The following TCF4 variants were observed in gnomAD, a reference collection of about 807,000 sequenced individuals.
The protein encoded by TCF4 is SL3-3 enhancer factor 2.
TCF4 carries 3 observed loss-of-function variants against 82.1 expected under a neutral mutation model. The ratio of observed to expected loss-of-function variants is 0.04; its 90% CI spans 0.02 to 0.09. The LOEUF is 0.09. Among genes scored for constraint, TCF4 ranks in the 10% least tolerant of loss-of-function variants. TCF4 has a pLI of 1.00. For synonymous variants in TCF4, 276 were observed against 309.6 expected, an observed-to-expected ratio of 0.89 and a Z score of 1.14; for missense variants, 518 against 852.7, an observed-to-expected ratio of 0.61 and a Z score of 4.89.
At chr18:55,415,714 CAGAAGTGAGCTTCTGT>C (rs1425012718) in intron 5 of TCF4, among the ~76,000 whole-genome samples, 1 of 152,188 alleles carries the variant, frequency 6.6e-6, no homozygotes, top group African/African-American at 2.4e-5. Context: ...AAGATTTGTA[CAGAAGTGAGCTTCTGT>C]CAGTTTTCAA....
At chr18:55,306,870 T>C (rs1416196577) in intron 8 of TCF4, among the ~76,000 whole-genome samples, 1 of 152,182 alleles carries the variant, frequency 6.6e-6, no homozygotes, top group Admixed American at 6.5e-5. Context: ...TGCAAAATCA[T>C]GAGAATTTTC....
chr18:55,365,154 AAAATATAT>A (rs1255965055), intron 6 of TCF4, among the ~76,000 whole-genome samples: 51 of 52,418 alleles, frequency 9.7e-4, no homozygotes, highest in African/African-American at 5.2e-3. Context: ...CTCCATCTCC[AAAATATAT>A]ATATATATAT....
At chr18:55,411,342 A>G (rs1038931447) in intron 5 of TCF4, among the ~76,000 whole-genome samples, 7 of 152,200 alleles carry the variant, frequency 4.6e-5, no homozygotes, top group African/African-American at 1.7e-4. Context: ...TTATATTTTT[A>G]CTGCAGTTTG....
At position 55,290,104 on chromosome 18, in the gene TCF4, T is replaced by A. The variant is rs370321491; in HGVS notation, c.550-10448A>T. On this transcript the variant is annotated intron_variant, in intron 8 of 19. Transcript: ENST00000354452. ...ATTTTAGTGCATTCCACTTCTCTAA[T>A]GTGTTTAGGGCTGAGCTTTCTTTAG... 2.0e-5 allele frequency among the ~76,000 whole-genome samples: 3 copies of A among 152,230 alleles called. No individual in the cohort carries two copies. The South Asian group carries it at 6.2e-4, about 31-fold the overall frequency.
chr18:55,594,133 GCC>G (rs2097688466), intron 2 of TCF4, among the ~76,000 whole-genome samples: 1 of 152,162 alleles, frequency 6.6e-6, no homozygotes, highest in South Asian at 2.1e-4. Flanking sequence ...ACACCCCAGG[GCC>G]TTTGCATATG....
intron 15 of TCF4, among the ~76,000 whole-genome samples, chr18:55,248,336 G>C (rs1942265): frequency 0.25 from 37,842 of 152,158 alleles, 4,835 homozygotes; most frequent in East Asian, 0.32. Flanking sequence ...CTGAAATTCT[G>C]TAACAGGCTA....
chr18:55,300,407 C>A (rs1235990831), intron 8 of TCF4, among the ~76,000 whole-genome samples: 1 of 76,768 alleles, frequency 1.3e-5, no homozygotes, highest in Non-Finnish European at 2.4e-5. Context: ...GCAGGGAATG[C>A]AAAGTGGCAG....
intron 2 of TCF4, among the ~76,000 whole-genome samples, chr18:55,599,143 A>C (rs1373978908): frequency 6.6e-6 from 1 of 152,216 alleles, no homozygotes; most frequent in Non-Finnish European, 1.5e-5. Flanking sequence ...CATAATACCC[A>C]AGGCTTCTCA....
chr18:55,229,451 T>A (rs1315968767), intron 17 of TCF4: 4 of 250,742 alleles, frequency 1.6e-5, no homozygotes, highest in Non-Finnish European at 2.3e-5. Context: ...ATATGTTGCA[T>A]AACCACGCTT....
intron 3 of TCF4, among the ~76,000 whole-genome samples, chr18:55,517,537 G>A (rs1463683112): frequency 2.6e-5 from 4 of 152,104 alleles, no homozygotes; most frequent in Non-Finnish European, 4.4e-5. Context: ...CTAAGTTTGG[G>A]GAATGTTTGC....
At chr18:55,560,389 G>A (rs909021601) in intron 3 of TCF4, among the ~76,000 whole-genome samples, 1 of 152,174 alleles carries the variant, frequency 6.6e-6, no homozygotes, top group Non-Finnish European at 1.5e-5. Context: ...CTTAGTATGT[G>A]CTAAATTTAG....
chr18:55,308,008 T>C (rs2147132658), intron 8 of TCF4, among the ~76,000 whole-genome samples: 1 of 152,340 alleles, frequency 6.6e-6, no homozygotes, highest in African/African-American at 2.4e-5. Flanking sequence ...AAGTAATTAA[T>C]ATGATTTTGA....
At chr18:55,246,406 A>G (rs2053193485) in intron 15 of TCF4, among the ~76,000 whole-genome samples, 1 of 152,160 alleles carries the variant, frequency 6.6e-6, no homozygotes, top group Non-Finnish European at 1.5e-5. Flanking sequence ...GTAAACATCC[A>G]ATGCCAGACT....
At chr18:55,301,770 A>G (rs2068352751) in intron 8 of TCF4, among the ~76,000 whole-genome samples, 1 of 127,372 alleles carries the variant, frequency 7.9e-6, no homozygotes, top group South Asian at 2.9e-4. Flanking sequence ...TAATCTAGTG[A>G]GCTAACACCA....
intron 3 of TCF4, among the ~76,000 whole-genome samples, chr18:55,537,059 G>A (rs1170432841): frequency 6.6e-6 from 1 of 151,600 alleles, no homozygotes; most frequent in African/African-American, 2.4e-5. Context: ...GCATGAACCT[G>A]GGAGGCAGAG....
chr18:55,240,318 G>C (rs973803383), intron 15 of TCF4, among the ~76,000 whole-genome samples: 2 of 152,102 alleles, frequency 1.3e-5, no homozygotes, highest in Non-Finnish European at 2.9e-5. Flanking sequence ...CAAAAGAAAA[G>C]CTGATGGGTT....
At chr18:55,320,667 A>G (rs2075272303) in intron 8 of TCF4, among the ~76,000 whole-genome samples, 1 of 152,228 alleles carries the variant, frequency 6.6e-6, no homozygotes, top group African/African-American at 2.4e-5. Context: ...CTTTGGCCCA[A>G]CTATCCCTGA....
At chr18:55,622,319 C>G (rs1425343994) in intron 2 of TCF4, among the ~76,000 whole-genome samples, 1 of 150,514 alleles carries the variant, frequency 6.6e-6, no homozygotes, top group Non-Finnish European at 1.5e-5. Context: ...CCATCCTGCC[C>G]AACAGGGTGA....
At chr18:55,377,590 G>A (rs1190476794) in intron 6 of TCF4, among the ~76,000 whole-genome samples, 3 of 152,188 alleles carry the variant, frequency 2.0e-5, no homozygotes, top group African/African-American at 7.2e-5. Flanking sequence ...TTTTCAAAAA[G>A]CTTAATGAAG....
Sources: allele counts gnomAD v4.1 joint callset (sites outside exome capture counted in the v4.1 genomes callset), GRCh38; gene constraint gnomAD v4.1.1; transcripts MANE v1.5; gene names NCBI Gene and HGNC (gene_info 2026-07-23, HGNC 2026-07-21).